The following HS3ST2 variants were observed in gnomAD, a reference collection of about 807,000 sequenced individuals.
HS3ST2 encodes the protein heparan sulfate glucosamine 3-O-sulfotransferase 2.
A neutral mutation model predicts 26.3 loss-of-function variants in HS3ST2; 17 were observed. That is an observed-to-expected ratio of 0.65 (90% CI 0.44 to 0.97). HS3ST2 has a LOEUF of 0.97. HS3ST2 is among the 50% of genes least tolerant of loss of function. The probability of loss-of-function intolerance (pLI) is 0.00; values close to 1 mark genes in which losing one functional copy is unlikely to be tolerated. For synonymous variants in HS3ST2, 237 were observed against 219.2 expected, an observed-to-expected ratio of 1.08 and a Z score of -0.72; for missense variants, 402 against 501.2, an observed-to-expected ratio of 0.80 and a Z score of 1.89.
intron 1 of HS3ST2, among the ~76,000 whole-genome samples, chr16:22,819,153 TTCCC>T (rs1861770994): frequency 9.4e-6 from 1 of 106,920 alleles, no homozygotes; most frequent in African/African-American, 3.8e-5. Context: ...CCTTCCTTCC[TTCCC>T]TCCTTCCTTC....
At chr16:22,861,523 T>C (rs1901674168) in intron 1 of HS3ST2, among the ~76,000 whole-genome samples, 1 of 152,088 alleles carries the variant, frequency 6.6e-6, no homozygotes, top group Admixed American at 6.6e-5. Flanking sequence ...AGGACCAGCC[T>C]TGGCCCTCTC....
intron 1 of HS3ST2, among the ~76,000 whole-genome samples, chr16:22,827,712 T>TTC (rs779484043): frequency 1.4e-4 from 10 of 71,870 alleles, no homozygotes; most frequent in African/African-American, 2.4e-4. Context: ...CTTTCTTTCT[T>TTC]TTTTTTTTTT....
chr16:22,834,093 T>C (rs2141179406), intron 1 of HS3ST2, among the ~76,000 whole-genome samples: 1 of 152,284 alleles, frequency 6.6e-6, no homozygotes, highest in Non-Finnish European at 1.5e-5. Context: ...GGTGTGAAAT[T>C]GGGTGCATGG....
intron 1 of HS3ST2, among the ~76,000 whole-genome samples, chr16:22,912,009 C>T (rs966260411): frequency 1.3e-5 from 2 of 152,076 alleles, no homozygotes; most frequent in Non-Finnish European, 2.9e-5. Flanking sequence ...GTAGTCCAAG[C>T]TACCTGGGAG....
At chr16:22,865,049 CAAAA>C (rs59256411) in intron 1 of HS3ST2, among the ~76,000 whole-genome samples, 1,797 of 50,034 alleles carry the variant, frequency 0.036, 43 homozygotes, top group African/African-American at 0.1. Context: ...GACCCTATCT[CAAAA>C]AAAAAAAAAA....
chr16:22,825,643 G>T lies in HS3ST2; in HGVS notation c.485+10548G>T, dbSNP rs1412096728. Among the ~76,000 whole-genome samples, 6 of 152,070 alleles carry T rather than the reference G, an allele frequency of 3.9e-5. No homozygotes were observed. The East Asian group carries it at 1.2e-3, about 29-fold the overall frequency. On this transcript the variant is annotated intron_variant, in intron 1 of 1. Coordinates refer to ENST00000261374, the MANE Select transcript of HS3ST2 (RefSeq NM_006043.2). ...CTTGGATAGAGATGTTTTTGGTTGG[G>T]GGCTAATAAGGAGGGGGAACCTATA... is the stretch of plus-strand genomic sequence containing the variant.
chr16:22,864,640 A>G (rs1319186790), intron 1 of HS3ST2, among the ~76,000 whole-genome samples: 1 of 152,164 alleles, frequency 6.6e-6, no homozygotes, highest in Non-Finnish European at 1.5e-5. Flanking sequence ...TATCTATCTT[A>G]GTGACTGAGT....
intron 1 of HS3ST2, among the ~76,000 whole-genome samples, chr16:22,901,082 C>T (rs965298030): frequency 5.9e-5 from 9 of 152,098 alleles, no homozygotes; most frequent in Non-Finnish European, 1.2e-4. Flanking sequence ...ACACTTTATA[C>T]GGGACTCTCG....
chr16:22,882,752 G>T (rs1902006505), intron 1 of HS3ST2, among the ~76,000 whole-genome samples: 1 of 150,224 alleles, frequency 6.7e-6, no homozygotes, highest in South Asian at 2.1e-4. Flanking sequence ...CAAAAAAGAG[G>T]CTGGGCAGGG....
chr16:22,815,992 G>C (rs1299105489), intron 1 of HS3ST2, among the ~76,000 whole-genome samples: 1 of 152,230 alleles, frequency 6.6e-6, no homozygotes, highest in African/African-American at 2.4e-5. Flanking sequence ...GACTGTCTAT[G>C]CTTCCCATGC....
Position 22,860,964 on chromosome 16 carries a change from C to T in HS3ST2, c.485+45869C>T, listed in dbSNP as rs144736968. ...CGTAGCTCAATGCAGCCTCGAATTC[C>T]TGGGCTCAAGCAATCTTCCTGCCTC... On this transcript the variant is annotated intron_variant, in intron 1 of 1. Coordinates refer to ENST00000261374, the MANE Select transcript of HS3ST2 (RefSeq NM_006043.2). Among the ~76,000 whole-genome samples the T allele has an allele frequency of 2.6e-3, 389 of 151,908 alleles. 1 individual carries two copies. Among genetic ancestry groups the T allele is most frequent in the African/African-American group, 7.3e-3 (301 of 41,462 alleles).
intron 1 of HS3ST2, among the ~76,000 whole-genome samples, chr16:22,866,307 G>A (rs1454590418): frequency 2.0e-5 from 3 of 150,708 alleles, no homozygotes; most frequent in Admixed American, 1.3e-4. Context: ...GAGAATTCGC[G>A]CAAGCACGTG....
chr16:22,844,859 CTTT>C (rs927503503), intron 1 of HS3ST2, among the ~76,000 whole-genome samples: 2 of 145,358 alleles, frequency 1.4e-5, no homozygotes, highest in Non-Finnish European at 1.5e-5. Flanking sequence ...TCTTTTCTTT[CTTT>C]TTTTTTTTTT....
chr16:22,835,345 A>G (rs554059344), intron 1 of HS3ST2, among the ~76,000 whole-genome samples: 1 of 152,070 alleles, frequency 6.6e-6, no homozygotes, highest in South Asian at 2.1e-4. Context: ...TTATCTGATC[A>G]CACTAAGACT....
chr16:22,867,107 G>T (rs9930452), intron 1 of HS3ST2, among the ~76,000 whole-genome samples: 24,110 of 152,094 alleles, frequency 0.16, 3,201 homozygotes, highest in African/African-American at 0.36. Context: ...AGATCGGTGG[G>T]ATAGAAGAGA....
chr16:22,849,089 G>A lies in HS3ST2; in HGVS notation c.485+33994G>A, dbSNP rs571885135. On this transcript the variant is annotated intron_variant, in intron 1 of 1. Coordinates refer to ENST00000261374, the MANE Select transcript of HS3ST2 (RefSeq NM_006043.2). ...GCCTTGTTTTTCGCATCTAAGAAACGGGAATGATCTTCCGTGTGGCATGTA... is the reference window on the plus strand; with the variant it reads ...GCCTTGTTTTTCGCATCTAAGAAACAGGAATGATCTTCCGTGTGGCATGTA... Among the ~76,000 whole-genome samples, 11 of 152,234 alleles carry A rather than the reference G, an allele frequency of 7.2e-5. No homozygotes were observed. In the East Asian group the frequency reaches 1.2e-3, roughly 16 times the overall value.
In HS3ST2 at chr16:22,814,704, T is replaced by C; in HGVS notation, c.94T>C (p.Tyr32His). ...CTTCACGCTCTCGCTCTCCTGCACTTACCTGTGTTACAGCTTCCTGTGCTG... is the reference window on the plus strand; with the variant it reads ...CTTCACGCTCTCGCTCTCCTGCACTCACCTGTGTTACAGCTTCCTGTGCTG... ...FAFTLSLSCTYLCYSFLCCCD... is the reference protein window; with the variant it reads ...FAFTLSLSCTHLCYSFLCCCD... Residue 32 changes from tyrosine (Y) to histidine (H), a missense_variant, in exon 1 of 2, where the codon TAC becomes CAC. Physicochemically the swap from Tyr to His is moderately conservative, Grantham distance 83 (BLOSUM62 2). Transcript: ENST00000261374. 1 of 1,608,446 alleles carries C rather than the reference T, an allele frequency of 6.2e-7. No homozygotes were observed. Among genetic ancestry groups the C allele is most frequent in the African/African-American group, 1.3e-5 (1 of 74,966 alleles).
intron 1 of HS3ST2, among the ~76,000 whole-genome samples, chr16:22,885,181 C>G (rs1269055533): frequency 6.6e-6 from 1 of 152,076 alleles, no homozygotes; most frequent in African/African-American, 2.4e-5. Flanking sequence ...CACCCCTCCC[C>G]CATCCCCCGT....
At position 22,899,732 on chromosome 16, in the gene HS3ST2, G is replaced by A. The variant is rs1266540962; in HGVS notation, c.486-15212G>A. ...ACGTCTTACATGGCAACAGGCAAGA[G>A]AGAGAGCATGTGCAGGGGAATTCCC... On this transcript the variant is annotated intron_variant, in intron 1 of 1. Coordinates refer to ENST00000261374, the MANE Select transcript of HS3ST2 (RefSeq NM_006043.2). Among the ~76,000 whole-genome samples, 5 of 152,338 alleles carry A rather than the reference G, an allele frequency of 3.3e-5. No individual in the cohort carries two copies. The East Asian group carries it at 9.7e-4, about 29-fold the overall frequency.
Sources: allele counts gnomAD v4.1 joint callset (sites outside exome capture counted in the v4.1 genomes callset), GRCh38; gene constraint gnomAD v4.1.1; transcripts MANE v1.5; gene names NCBI Gene and HGNC (gene_info 2026-07-23, HGNC 2026-07-21).